TRPM8: variants seen among roughly 807,000 people sequenced by gnomAD.
The protein encoded by TRPM8 is transient receptor potential cation channel subfamily M member 8.
In TRPM8, 110 loss-of-function variants were observed where a neutral mutation model predicts 133.7. That is an observed-to-expected ratio of 0.82 (90% CI 0.70 to 0.96). TRPM8 has a LOEUF of 0.96. Among genes scored for constraint, TRPM8 ranks in the 40% least tolerant of loss-of-function variants. The pLI, the probability that TRPM8 is intolerant of heterozygous loss-of-function variation, is 0.00. For synonymous variants in TRPM8, 535 were observed against 532.3 expected (o/e 1.01, Z -0.07); for missense variants, 1,291 against 1,379.5 (o/e 0.94, Z 1.02).
rs866341096 is a variant in TRPM8 at position 233,999,283 on chromosome 2, G to T, written c.3130+2767G>T. ...CGCATTCTCACATGCAGTGCCGGCT[G>T]GCCAGCAGCAGGGAGTCTCAGTGTC... On this transcript the variant is annotated intron_variant, in intron 22 of 25. Coordinates refer to ENST00000324695, the MANE Select transcript of TRPM8 (RefSeq NM_024080.5). Among the ~76,000 whole-genome samples, 16 of 151,506 alleles carry T rather than the reference G, an allele frequency of 1.1e-4. No homozygotes were observed. The Middle Eastern group carries it at 0.01, about 97-fold the overall frequency.
chr2:234,016,310 A>C (rs1692954742), intron 25 of TRPM8, among the ~76,000 whole-genome samples: 1 of 152,206 alleles, frequency 6.6e-6, no homozygotes, highest in South Asian at 2.1e-4. Context: ...CCTCAGAGAC[A>C]ACAAATTTGG....
Position 233,930,719 on chromosome 2 carries a change from T to C in TRPM8, c.169T>C (p.Phe57Leu), listed in dbSNP as rs757748634. 4 of 1,609,634 alleles carry C rather than the reference T, an allele frequency of 2.5e-6. No homozygotes were observed. In the South Asian group the frequency reaches 3.3e-5, roughly 13 times the overall value. Residue 57 changes from phenylalanine (F) to leucine (L), a missense_variant, in exon 3 of 26, where the codon TTT becomes CTT. By Grantham distance (22) the Phe-to-Leu change is conservative. This residue lies in a region of TRPM8 where 963 missense variants were observed against 968.9 expected (regional missense o/e 0.99). Transcript: ENST00000324695. ...ANFKKRECVFFTKDSKATENV... is the reference protein window; with the variant it reads ...ANFKKRECVFLTKDSKATENV... ...TTTTAAGAAACGAGAATGTGTCTTC[T>C]TTACCAAAGATTCCAAGGCCACGTA...
intron 1 of TRPM8, among the ~76,000 whole-genome samples, chr2:233,919,266 T>C (rs1273532604): frequency 6.6e-6 from 1 of 152,180 alleles, no homozygotes; most frequent in African/African-American, 2.4e-5. Flanking sequence ...TTCTAGACTA[T>C]TTAAAATTAT....
chr2:234,000,749 G>T (rs1265516025), intron 22 of TRPM8, among the ~76,000 whole-genome samples: 1 of 151,630 alleles, frequency 6.6e-6, no homozygotes, highest in Non-Finnish European at 1.5e-5. Context: ...CGCAGTCTCG[G>T]CTCTCTGAAA....
At chr2:233,965,780 C>T (rs1691552928) in intron 14 of TRPM8, among the ~76,000 whole-genome samples, 1 of 151,814 alleles carries the variant, frequency 6.6e-6, no homozygotes, top group Admixed American at 6.6e-5. Context: ...CCCTGAGGAT[C>T]TACACTGCAA....
chr2:233,956,752 T>C (rs1691303338), intron 11 of TRPM8, among the ~76,000 whole-genome samples: 1 of 152,228 alleles, frequency 6.6e-6, no homozygotes, highest in African/African-American at 2.4e-5. Context: ...TTTAAATTAT[T>C]CATTCCCTTA....
chr2:233,947,712 A>C, intron 8 of TRPM8: 3 of 784,578 alleles, frequency 3.8e-6, no homozygotes, highest in Non-Finnish European at 5.5e-6. Flanking sequence ...GTATGGACTC[A>C]TTACTGAGTT....
Position 233,976,837 on chromosome 2 carries a change from T to G in TRPM8, c.2356-3351T>G, listed in dbSNP as rs114237332. Among the ~76,000 whole-genome samples the G allele has an allele frequency of 3.3e-3, 497 of 152,212 alleles. 3 individuals are homozygous for G. Among genetic ancestry groups the G allele is most frequent in the African/African-American group, 0.011 (463 of 41,530 alleles). ...GGTCTGTAGAACATAGCCATGGAGATTCTTATCGTTAAAATAATCCGACAC... is the reference window on the plus strand; with the variant it reads ...GGTCTGTAGAACATAGCCATGGAGAGTCTTATCGTTAAAATAATCCGACAC... On this transcript the variant is annotated intron_variant, in intron 17 of 25. Coordinates refer to ENST00000324695, the MANE Select transcript of TRPM8 (RefSeq NM_024080.5).
chr2:233,971,699 T>C (rs753715892), intron 17 of TRPM8, among the ~76,000 whole-genome samples: 5 of 152,114 alleles, frequency 3.3e-5, no homozygotes, highest in Non-Finnish European at 5.9e-5. Context: ...TTCTGGTGGG[T>C]TCGTGGTCTC....
At chr2:233,937,619 T>G in intron 4 of TRPM8, 110 bp downstream of exon 4, 1 of 1,254,554 alleles carries the variant, frequency 8.0e-7, no homozygotes. Flanking sequence ...AGATGGGTAG[T>G]AAACACCAAA....
rs778641749 is a variant in TRPM8, at chr2:233,939,125, C to T, written c.476C>T (p.Pro159Leu). ...GGCGCCAAGAACTTCGCCCTGAAGCCGCGCATGCGCAAGATCTTCAGCCGG... is the reference window on the plus strand; with the variant it reads ...GGCGCCAAGAACTTCGCCCTGAAGCTGCGCATGCGCAAGATCTTCAGCCGG... ...TGGAKNFALK[P>L]RMRKIFSRLI... Residue 159 changes from proline to leucine, a missense_variant, in exon 5 of 26, where the codon CCG (proline) becomes CTG (leucine). Coordinates refer to ENST00000324695, the MANE Select transcript of TRPM8 (RefSeq NM_024080.5). 1.9e-6 allele frequency: 3 copies of T among 1,614,154 alleles called. No individual in the cohort carries two copies. The highest frequency in any genetic ancestry group is 2.2e-5 in the East Asian group (1 of 44,884).
At chr2:233,955,102 T>C in intron 10 of TRPM8, 30 bp from the exon 11 acceptor site, 3 of 1,540,588 alleles carry the variant, frequency 1.9e-6, no homozygotes, top group Non-Finnish European at 2.7e-6. Context: ...GAGCCTTTGG[T>C]GAGTTGAGTC....
intron 3 of TRPM8, chr2:233,933,628 G>A (rs1385044468): frequency 6.6e-6 from 1 of 152,264 alleles, no homozygotes; most frequent in Non-Finnish European, 1.5e-5. Context: ...AGAGCTGCCA[G>A]GCAGCTCTCT....
In TRPM8 at chr2:234,011,874, G is replaced by A. The variant is rs1475933600; in HGVS notation, c.3265-2688G>A. On this transcript the variant is annotated intron_variant, in intron 24 of 25. Transcript: ENST00000324695. The stretch of plus-strand genomic sequence containing the variant: ...AGAGCTTGCAGTGAACCGAGATCGC[G>A]CCACTGCACTCCAGCCTGGGAGACA... Among the ~76,000 whole-genome samples the A allele has an allele frequency of 4.7e-5, 6 of 128,248 alleles. No homozygotes were observed. In the East Asian group the frequency reaches 9.2e-4, roughly 20 times the overall value. The allele number at this position is 128,248 out of a possible 152,430, so 84.1% of individuals were successfully genotyped here. A position where few individuals can be genotyped will look rare whatever the true frequency, so the allele number is the denominator to read the frequency against.
At chr2:234,003,503 C>T (rs1455604151) in intron 22 of TRPM8, among the ~76,000 whole-genome samples, 1 of 152,168 alleles carries the variant, frequency 6.6e-6, no homozygotes, top group East Asian at 1.9e-4. Flanking sequence ...AAACATGGCA[C>T]CCAGATACTA....
At chr2:234,013,489 T>C (rs1692888929) in intron 24 of TRPM8, 1 of 152,226 alleles carries the variant, frequency 6.6e-6, no homozygotes, top group African/African-American at 2.4e-5. Flanking sequence ...GTTGTCTTTC[T>C]CATTTCTGAC....
At chr2:233,918,948 G>A (rs922380157) in intron 1 of TRPM8, among the ~76,000 whole-genome samples, 12 of 152,160 alleles carry the variant, frequency 7.9e-5, no homozygotes, top group Admixed American at 2.6e-4. Context: ...GGGGTTTGGT[G>A]TGGGGCCCTT....
At chr2:233,928,162 G>T (rs1691605730) in intron 2 of TRPM8, among the ~76,000 whole-genome samples, 1 of 151,470 alleles carries the variant, frequency 6.6e-6, no homozygotes. Flanking sequence ...GTAGAGACGG[G>T]GTTTCACTGT....
chr2:233,991,568 G>A (rs17864759), intron 21 of TRPM8, among the ~76,000 whole-genome samples: 1 of 152,142 alleles, frequency 6.6e-6, no homozygotes, highest in Non-Finnish European at 1.5e-5. Context: ...TTTGGAGGAG[G>A]TGTCCATCTG....
Sources: gnomAD v4.1 joint callset for allele counts (sites outside exome capture counted in the v4.1 genomes callset) on GRCh38, gnomAD v4.1.1 for gene constraint, gnomAD v4.1.1 regional missense constraint, MANE v1.5 for transcripts, NCBI Gene and HGNC (gene_info 2026-07-23, HGNC 2026-07-21) for gene names.